Variants in SPATS2L observed in about 807,000 individuals in gnomAD.
SPATS2L encodes the protein SPATS2-like protein.
Under a neutral mutation model 59.6 loss-of-function variants are expected in SPATS2L, and 30 were observed. That is an observed-to-expected ratio of 0.50 (90% CI 0.38 to 0.68). The LOEUF is 0.68. SPATS2L is among the 30% of genes least tolerant of loss of function. The probability of loss-of-function intolerance (pLI) is 0.00; values close to 1 mark genes in which losing one functional copy is unlikely to be tolerated. For synonymous variants in SPATS2L, 252 were observed against 263.5 expected (o/e 0.96, Z 0.42); for missense variants, 615 against 700.0 (o/e 0.88, Z 1.37).
chr2:200,312,275 G>A (rs1325639619), intron 1 of SPATS2L, among the ~76,000 whole-genome samples: 1 of 152,186 alleles, frequency 6.6e-6, no homozygotes, highest in Non-Finnish European at 1.5e-5. Flanking sequence ...TGTAAATAAT[G>A]AGAGGTGCAC....
intron 1 of SPATS2L, among the ~76,000 whole-genome samples, chr2:200,317,569 C>CA (rs2079421368): frequency 6.6e-6 from 1 of 152,146 alleles, no homozygotes; most frequent in Non-Finnish European, 1.5e-5. Context: ...AGATTTTACC[C>CA]AGCCAAGGGT....
At chr2:200,412,946 TC>T (rs1488989239) in intron 4 of SPATS2L, among the ~76,000 whole-genome samples, 1 of 152,072 alleles carries the variant, frequency 6.6e-6, no homozygotes, top group Non-Finnish European at 1.5e-5. Flanking sequence ...AGTCCCAGCT[TC>T]TTGGAGGCTG....
chr2:200,454,489 A>T (rs747672643), intron 8 of SPATS2L, among the ~76,000 whole-genome samples: 5 of 152,184 alleles, frequency 3.3e-5, no homozygotes, highest in Non-Finnish European at 5.9e-5. Flanking sequence ...GATTCTTTTC[A>T]TTATTGTTAT....
At chr2:200,379,411 G>A (rs2081720474) in intron 2 of SPATS2L, among the ~76,000 whole-genome samples, 1 of 152,248 alleles carries the variant, frequency 6.6e-6, no homozygotes, top group African/African-American at 2.4e-5. Flanking sequence ...TAAGAGTTCA[G>A]TAAGTGTAGC....
chr2:200,423,709 G>A (rs2083406989), intron 6 of SPATS2L, among the ~76,000 whole-genome samples: 1 of 152,124 alleles, frequency 6.6e-6, no homozygotes, highest in South Asian at 2.1e-4. Flanking sequence ...AAAAGAAATC[G>A]CCAGGCTACT....
At chr2:200,372,149 T>C in intron 2 of SPATS2L, 2 of 985,430 alleles carry the variant, frequency 2.0e-6, no homozygotes, top group Non-Finnish European at 2.4e-6. Flanking sequence ...GAGACCACTC[T>C]AGTTGCCTCA....
intron 9 of SPATS2L, among the ~76,000 whole-genome samples, chr2:200,460,675 C>T (rs2086171715): frequency 6.6e-6 from 1 of 151,088 alleles, no homozygotes; most frequent in Admixed American, 6.6e-5. Flanking sequence ...GGTGTGAACC[C>T]GGGAGGCAGA....
At chr2:200,433,029 A>T (rs561245913) in intron 6 of SPATS2L, among the ~76,000 whole-genome samples, 13 of 152,322 alleles carry the variant, frequency 8.5e-5, no homozygotes, top group South Asian at 8.3e-4. Context: ...GGAGGAAGCT[A>T]TGAAGAAATA....
rs1321065697 is a variant in SPATS2L, at chr2:200,477,715, G to T, written c.1361G>T (p.Gly454Val). The change falls in exon 13 of 13, where the codon GGC becomes GTC. Residue 454 changes from glycine (G) to valine (V), a missense_variant. Coordinates refer to ENST00000409140, the MANE Select transcript of SPATS2L (RefSeq NM_001100423.2). ...NRLNGPAKSQ[G>V]SGNEAEPLGK... ...CTAAATGGGCCTGCCAAGTCGCAGGGCAGTGGGAATGAAGCCGAGCCACTG... is the reference window on the plus strand; with the variant it reads ...CTAAATGGGCCTGCCAAGTCGCAGGTCAGTGGGAATGAAGCCGAGCCACTG... 1.9e-6 allele frequency: 3 copies of T among 1,565,460 alleles called. No homozygotes were observed. Among genetic ancestry groups the T allele is most frequent in the Non-Finnish European group, 2.6e-6 (3 of 1,154,986 alleles).
chr2:200,360,575 G>A (rs2081062904), intron 2 of SPATS2L, among the ~76,000 whole-genome samples: 1 of 152,180 alleles, frequency 6.6e-6, no homozygotes, highest in African/African-American at 2.4e-5. Context: ...GAGAGGAAGG[G>A]GGGTTACCCT....
At chr2:200,357,371 C>T (rs2080950939) in intron 2 of SPATS2L, among the ~76,000 whole-genome samples, 1 of 152,138 alleles carries the variant, frequency 6.6e-6, no homozygotes, top group Non-Finnish European at 1.5e-5. Flanking sequence ...ATGCCAAGCC[C>T]ATAGTGTCAT....
chr2:200,366,212 A>G (rs1468806627), intron 2 of SPATS2L, among the ~76,000 whole-genome samples: 9 of 152,186 alleles, frequency 5.9e-5, no homozygotes, highest in Non-Finnish European at 1.3e-4. Context: ...TGGATTGCCT[A>G]GACTACTTGA....
At chr2:200,332,675 A>G (rs139365034) in intron 2 of SPATS2L, among the ~76,000 whole-genome samples, 1 of 151,970 alleles carries the variant, frequency 6.6e-6, no homozygotes, top group Admixed American at 6.6e-5. Flanking sequence ...GCTTCATAAG[A>G]GTTAGTTAAT....
At chr2:200,344,137 A>T (rs1025896988) in intron 2 of SPATS2L, among the ~76,000 whole-genome samples, 1 of 151,958 alleles carries the variant, frequency 6.6e-6, no homozygotes, top group East Asian at 1.9e-4. Context: ...AACTCATGTC[A>T]TGGGGGTTTG....
chr2:200,394,772 A>G (rs1449570864), intron 3 of SPATS2L, among the ~76,000 whole-genome samples: 2 of 152,220 alleles, frequency 1.3e-5, no homozygotes, highest in Admixed American at 6.5e-5. Context: ...GCTTCTAAAA[A>G]CAGAAACTTG....
intron 3 of SPATS2L, among the ~76,000 whole-genome samples, chr2:200,410,606 C>A (rs1686172083): frequency 6.6e-6 from 1 of 152,054 alleles, no homozygotes; most frequent in South Asian, 2.1e-4. Flanking sequence ...CCTTGCCCCT[C>A]ACTCATGCTG....
intron 3 of SPATS2L, chr2:200,390,031 G>A (rs904860946): frequency 1.3e-5 from 2 of 152,282 alleles, no homozygotes; most frequent in African/African-American, 4.8e-5. Context: ...GCTAGTGGTT[G>A]TATAGGCAAG....
Position 200,473,036 on chromosome 2 carries a change from T to C in SPATS2L, c.1265T>C (p.Met422Thr), listed in dbSNP as rs1362444982. The change falls in exon 12 of 13, where the codon ATG (methionine) becomes ACG (threonine). Residue 422 changes from methionine to threonine, a missense_variant. This residue lies in a region of SPATS2L where 284 missense variants were observed against 280.1 expected (regional missense o/e 1.01). Transcript: ENST00000409140. ...PSTADPSHQT[M>T]PANKQNGSSN... ...ACCGCCGACCCCTCTCACCAGACCA[T>C]GCCGGCCAACAAGCAGGTAAGCCGA... 1 of 1,609,736 alleles carries C rather than the reference T, an allele frequency of 6.2e-7. No homozygotes were observed. The highest frequency in any genetic ancestry group is 1.1e-5 in the South Asian group (1 of 90,846).
chr2:200,400,073 G>A (rs1243671322), intron 3 of SPATS2L, among the ~76,000 whole-genome samples: 1 of 152,156 alleles, frequency 6.6e-6, no homozygotes, highest in Admixed American at 6.5e-5. Flanking sequence ...AATATTCTAA[G>A]TTAGAAGCAG....
Sources: gnomAD v4.1 joint callset for allele counts (sites outside exome capture counted in the v4.1 genomes callset) on GRCh38, gnomAD v4.1.1 for gene constraint, gnomAD v4.1.1 regional missense constraint, MANE v1.5 for transcripts, NCBI Gene and HGNC (gene_info 2026-07-23, HGNC 2026-07-21) for gene names.